Variants in ITLN1 observed in about 807,000 individuals in gnomAD.
ITLN1 encodes intelectin-1.
Under a neutral mutation model 36.2 loss-of-function variants are expected in ITLN1, and 29 were observed. The ratio of observed to expected loss-of-function variants is 0.80; its 90% CI spans 0.60 to 1.09. ITLN1 has a LOEUF of 1.09. ITLN1 is among the 50% of genes least tolerant of loss of function. The pLI is 0.00. For missense variants in ITLN1, 358 were observed against 405.2 expected (o/e 0.88, Z 1.00); for synonymous variants, 143 against 146.5 (o/e 0.98, Z 0.17).
chr1:160,882,377 C>T (rs6427552), intron 3 of ITLN1, 173 bp from the exon 4 acceptor site: 405,053 of 613,840 alleles, frequency 0.66, 135,442 homozygotes, highest in Middle Eastern at 0.72. Context: ...GAAGATCATG[C>T]TCCTGTAACT....
intron 3 of ITLN1, 194 bp from the exon 4 acceptor site, chr1:160,882,398 A>G: frequency 1.9e-6 from 1 of 522,628 alleles, no homozygotes; most frequent in Non-Finnish European, 3.2e-6. Context: ...GAGGCAGAAC[A>G]TAGAATTGTA....
At chr1:160,877,333 G>A (rs1670606050) in intron 7 of ITLN1, among the ~76,000 whole-genome samples, 1 of 152,012 alleles carries the variant, frequency 6.6e-6, no homozygotes, top group African/African-American at 2.4e-5. Context: ...CAGAGCCCCT[G>A]CCTGTTCTCT....
At chr1:160,882,665 T>A (rs538105253) in intron 3 of ITLN1, among the ~76,000 whole-genome samples, 8 of 152,232 alleles carry the variant, frequency 5.3e-5, no homozygotes, top group Admixed American at 2.0e-4. Flanking sequence ...GAATGAAATA[T>A]CCATGCTACA....
At chr1:160,878,207 C>G (rs1670621843) in intron 7 of ITLN1, among the ~76,000 whole-genome samples, 1 of 151,976 alleles carries the variant, frequency 6.6e-6, no homozygotes, top group Admixed American at 6.6e-5. Context: ...TGCCTTTGCT[C>G]CTGCTCCTGC....
chr1:160,881,809 A>C, intron 4 of ITLN1, 148 bp downstream of exon 4: 2 of 133,180 alleles, frequency 1.5e-5, no homozygotes, highest in Non-Finnish European at 2.4e-5. Context: ...CTCAAGAAAA[A>C]AAAAAAAAAA....
chr1:160,878,188 C>T (rs534947169), intron 7 of ITLN1, among the ~76,000 whole-genome samples: 31 of 151,952 alleles, frequency 2.0e-4, no homozygotes, highest in African/African-American at 6.5e-4. Context: ...AAGTGTGTAA[C>T]GCCTCCCCTG....
intron 7 of ITLN1, among the ~76,000 whole-genome samples, 185 bp from the exon 8 acceptor site, chr1:160,877,001 G>A (rs1670598579): frequency 6.6e-6 from 1 of 152,178 alleles, no homozygotes; most frequent in Non-Finnish European, 1.5e-5. Context: ...AGTCTGGGAG[G>A]CCGAAGAGGG....
At chr1:160,879,492 G>A (rs111864696) in intron 6 of ITLN1, 78 bp from the exon 7 acceptor site, 101 of 1,102,110 alleles carry the variant, frequency 9.2e-5, no homozygotes, top group South Asian at 3.7e-4. Context: ...AGAGGCTCTC[G>A]ATGCCAAAGC....
chr1:160,878,055 C>T (rs1413022683), intron 7 of ITLN1, among the ~76,000 whole-genome samples: 2 of 152,138 alleles, frequency 1.3e-5, no homozygotes, highest in Non-Finnish European at 2.9e-5. Flanking sequence ...GTAAACCCAG[C>T]TACTTGGGAG....
chr1:160,885,036 A>ATGACAGCCAGC, intron 1 of ITLN1, 25 bp downstream of exon 1: 1 of 572,974 alleles, frequency 1.7e-6, no homozygotes. Context: ...CTAAGCTGAA[A>ATGACAGCCAGC]ACAGGATTCC....
intron 7 of ITLN1, among the ~76,000 whole-genome samples, chr1:160,878,977 G>T (rs543103796): frequency 6.6e-6 from 1 of 152,142 alleles, no homozygotes; most frequent in Non-Finnish European, 1.5e-5. Flanking sequence ...AGGAATCTCA[G>T]CTCTAAAGAC....
intron 7 of ITLN1, among the ~76,000 whole-genome samples, chr1:160,878,034 G>A (rs1670618567): frequency 6.6e-6 from 1 of 152,108 alleles, no homozygotes; most frequent in Non-Finnish European, 1.5e-5. Context: ...CCAGTGTGGT[G>A]GCTTATGCCT....
intron 5 of ITLN1, 145 bp downstream of exon 5, chr1:160,881,009 T>C: frequency 2.0e-6 from 2 of 1,006,126 alleles, no homozygotes; most frequent in Admixed American, 2.9e-5. Flanking sequence ...TTAGAATTCC[T>C]AAGAGAAGCA....
chr1:160,881,331 T>G lies in ITLN1; in HGVS notation c.406-19A>C. On this transcript the variant is annotated intron_variant, in intron 4 of 7. Transcript: ENST00000326245. ...CAGGGTTCTGGAAAGCAACAGACACTGAGCCTGACTGGGCCAGGAGGTCCC... is the reference window on the plus strand; with the variant it reads ...CAGGGTTCTGGAAAGCAACAGACACGGAGCCTGACTGGGCCAGGAGGTCCC... The G allele has an allele frequency of 6.4e-7, 1 of 1,557,616 alleles. No individual in the cohort carries two copies. The highest frequency in any genetic ancestry group is 8.7e-7 in the Non-Finnish European group (1 of 1,151,118).
At chr1:160,884,781 C>G (rs1230964124) in intron 2 of ITLN1, 39 bp downstream of exon 2, 4 of 1,448,892 alleles carry the variant, frequency 2.8e-6, no homozygotes, top group Non-Finnish European at 3.9e-6. Flanking sequence ...CGGAAGTCAT[C>G]CAGCTGAAGG....
Position 160,885,093 on chromosome 1 carries a change from T to C in ITLN1, c.-39A>G, listed in dbSNP as rs1571144400. The C allele has an allele frequency of 1.6e-5, 8 of 489,236 alleles. No homozygotes were observed. In the East Asian group the frequency reaches 2.4e-4, roughly 15 times the overall value. The allele number at this position is 489,236 out of a possible 1,614,324, so 30.3% of individuals were successfully genotyped here. On this transcript the variant is annotated 5_prime_UTR_variant, in exon 1 of 8. Coordinates refer to ENST00000326245, the MANE Select transcript of ITLN1 (RefSeq NM_017625.3). ...GAGTCTCAGCTGCACTTTCCTTGGG[T>C]ACAGAGAGCTCCTTCACTCCCTCCC...
At position 160,883,418 on chromosome 1, in the gene ITLN1, C is replaced by T. The variant is rs774672528; in HGVS notation, c.157+10G>A. 5.7e-6 allele frequency: 9 copies of T among 1,591,596 alleles called. No individual in the cohort carries two copies. Among genetic ancestry groups the T allele is most frequent in the Non-Finnish European group, 7.8e-6 (9 of 1,159,702 alleles). On this transcript the variant is annotated intron_variant, in intron 3 of 7. Transcript: ENST00000326245. The stretch of plus-strand genomic sequence containing the variant: ...CTGACTGAGCTCTGTTTGAATGTTT[C>T]ATCACTCACCAAATGCACTAGGACA...
chr1:160,881,071 TA>T (rs1201498055), intron 5 of ITLN1, 82 bp downstream of exon 5: 3 of 1,438,768 alleles, frequency 2.1e-6, no homozygotes, highest in Non-Finnish European at 2.8e-6. Flanking sequence ...ACAGACCCAT[TA>T]AAAAATGACT....
At chr1:160,878,217 C>A (rs1670621885) in intron 7 of ITLN1, among the ~76,000 whole-genome samples, 2 of 152,006 alleles carry the variant, frequency 1.3e-5, no homozygotes, top group Admixed American at 1.3e-4. Flanking sequence ...CCTGCTCCTG[C>A]CATGGGAGAC....
Sources: allele counts gnomAD v4.1 joint callset (sites outside exome capture counted in the v4.1 genomes callset), GRCh38; gene constraint gnomAD v4.1.1; transcripts MANE v1.5; gene names NCBI Gene and HGNC (gene_info 2026-07-23, HGNC 2026-07-21).